The following RGS21 variants were observed in gnomAD, a reference collection of about 807,000 sequenced individuals.
The protein encoded by RGS21 is regulator of G-protein signalling 21.
A neutral mutation model predicts 18.7 loss-of-function variants in RGS21; 19 were observed. That is an observed-to-expected ratio of 1.01 (90% CI 0.71 to 1.49). The LOEUF is 1.49. RGS21 is among the 40% of genes most tolerant of loss of function. RGS21 has a pLI of 0.00. For missense variants in RGS21, 194 were observed against 176.8 expected, an observed-to-expected ratio of 1.10 and a Z score of -0.55; for synonymous variants, 56 against 57.8, an observed-to-expected ratio of 0.97 and a Z score of 0.14.
At chr1:192,356,344 C>T (rs1659112656) in intron 4 of RGS21, among the ~76,000 whole-genome samples, 1 of 151,664 alleles carries the variant, frequency 6.6e-6, no homozygotes, top group African/African-American at 2.4e-5. Context: ...ATAATAAACA[C>T]GTAAGTATAA....
chr1:192,336,387 G>A (rs548053586), intron 1 of RGS21, among the ~76,000 whole-genome samples: 3 of 152,146 alleles, frequency 2.0e-5, no homozygotes, highest in East Asian at 1.9e-4. Flanking sequence ...CCAAGGAGGC[G>A]CAGGTTGCAG....
At chr1:192,337,921 A>C (rs1023657622) in intron 1 of RGS21, among the ~76,000 whole-genome samples, 2 of 152,170 alleles carry the variant, frequency 1.3e-5, no homozygotes, top group African/African-American at 2.4e-5. Context: ...TTACATCAGA[A>C]ATCTTGAACT....
intron 1 of RGS21, among the ~76,000 whole-genome samples, chr1:192,321,911 C>T (rs1449037104): frequency 1.3e-5 from 2 of 152,026 alleles, no homozygotes; most frequent in African/African-American, 4.8e-5. Context: ...CAAACACACA[C>T]CCACAATTTT....
intron 1 of RGS21, among the ~76,000 whole-genome samples, chr1:192,332,907 G>A (rs1211335933): frequency 1.3e-5 from 2 of 151,360 alleles, no homozygotes; most frequent in African/African-American, 4.9e-5. Context: ...GACAGAGCAA[G>A]ATACTCTCCT....
chr1:192,328,048 G>A (rs1457049650), intron 1 of RGS21, among the ~76,000 whole-genome samples: 5 of 152,136 alleles, frequency 3.3e-5, no homozygotes. Context: ...TAAAATCCAT[G>A]TAATTGGCAA....
intron 1 of RGS21, among the ~76,000 whole-genome samples, chr1:192,332,456 A>G (rs1213200972): frequency 6.6e-6 from 1 of 152,210 alleles, no homozygotes. Context: ...TTATACTTAA[A>G]AAATTAGTTT....
intron 3 of RGS21, among the ~76,000 whole-genome samples, chr1:192,349,363 G>T (rs1659003466): frequency 6.6e-6 from 1 of 152,144 alleles, no homozygotes; most frequent in South Asian, 2.1e-4. Flanking sequence ...GCAATAGTAT[G>T]AATGCTTTTT....
chr1:192,334,295 T>C (rs996233739), intron 1 of RGS21, among the ~76,000 whole-genome samples: 4 of 152,160 alleles, frequency 2.6e-5, no homozygotes, highest in Non-Finnish European at 5.9e-5. Flanking sequence ...CTTTAGGTTA[T>C]CACCTTTAAA....
chr1:192,359,259 A>G (rs770652276), intron 4 of RGS21, among the ~76,000 whole-genome samples: 1 of 152,102 alleles, frequency 6.6e-6, no homozygotes, highest in Non-Finnish European at 1.5e-5. Flanking sequence ...TAAATAAAAT[A>G]CATGTGGCAC....
intron 3 of RGS21, among the ~76,000 whole-genome samples, chr1:192,347,616 A>T (rs1658971699): frequency 6.6e-6 from 1 of 152,084 alleles, no homozygotes; most frequent in South Asian, 2.1e-4. Context: ...TCAATCTAGC[A>T]AGTGAAATTT....
intron 4 of RGS21, among the ~76,000 whole-genome samples, chr1:192,355,057 T>A (rs1347005729): frequency 6.6e-6 from 1 of 151,638 alleles, no homozygotes; most frequent in African/African-American, 2.4e-5. Context: ...AGTGTTACAT[T>A]CTCTCTGGTT....
Position 192,361,178 on chromosome 1 carries a change from CAT to C in RGS21, c.256-4740_256-4739del, listed in dbSNP as rs1025308491. 4.5e-4 allele frequency among the ~76,000 whole-genome samples: 69 copies of C among 152,018 alleles called. 1 individual carries two copies. The highest frequency in any genetic ancestry group is 1.5e-3 in the African/African-American group (61 of 41,474). ...CAGTACTAATGTTTAATTAAAATAA[CAT>C]ATTATTTACAGTTAAAATAATCATC... On this transcript the variant is annotated intron_variant, in intron 4 of 4. Transcript: ENST00000417209.
At chr1:192,332,800 G>C (rs918165799) in intron 1 of RGS21, among the ~76,000 whole-genome samples, 1 of 152,096 alleles carries the variant, frequency 6.6e-6, no homozygotes, top group Non-Finnish European at 1.5e-5. Flanking sequence ...TGTAGTCCTA[G>C]CTACTCCGGC....
chr1:192,339,171 A>G (rs987027264), intron 1 of RGS21, among the ~76,000 whole-genome samples: 5 of 151,998 alleles, frequency 3.3e-5, no homozygotes, highest in Admixed American at 2.6e-4. Flanking sequence ...TTTCCCACAA[A>G]TCTTTTATGA....
At chr1:192,357,722 G>C (rs1557981941) in intron 4 of RGS21, among the ~76,000 whole-genome samples, 1 of 151,894 alleles carries the variant, frequency 6.6e-6, no homozygotes. Flanking sequence ...TGATGTTTAT[G>C]ATAAAAGCAG....
intron 1 of RGS21, among the ~76,000 whole-genome samples, chr1:192,342,649 T>A (rs942145593): frequency 3.3e-5 from 5 of 151,496 alleles, no homozygotes; most frequent in African/African-American, 9.7e-5. Flanking sequence ...GAATATTAAT[T>A]ATAAATATGT....
intron 2 of RGS21, among the ~76,000 whole-genome samples, chr1:192,343,263 A>C (rs1313044875): frequency 6.6e-6 from 1 of 152,076 alleles, no homozygotes; most frequent in African/African-American, 2.4e-5. Context: ...ATGTGGGCTA[A>C]AGAAAGGTTA....
chr1:192,357,706 G>A (rs1378440445), intron 4 of RGS21, among the ~76,000 whole-genome samples: 1 of 151,792 alleles, frequency 6.6e-6, no homozygotes, highest in African/African-American at 2.4e-5. Flanking sequence ...CATAGCCTGG[G>A]ATACTTGATG....
intron 1 of RGS21, among the ~76,000 whole-genome samples, chr1:192,329,180 A>T (rs1658611052): frequency 6.6e-6 from 1 of 152,114 alleles, no homozygotes; most frequent in Non-Finnish European, 1.5e-5. Flanking sequence ...GTTTAACTGG[A>T]AATAAATTGA....
Sources: gnomAD v4.1 joint callset for allele counts (sites outside exome capture counted in the v4.1 genomes callset) on GRCh38, gnomAD v4.1.1 for gene constraint, MANE v1.5 for transcripts, NCBI Gene and HGNC (gene_info 2026-07-23, HGNC 2026-07-21) for gene names.